The following CSMD1 variants were observed in gnomAD, a reference collection of about 807,000 sequenced individuals.
CSMD1 encodes CUB and Sushi multiple domains 1.
In CSMD1, 213 loss-of-function variants were observed where a neutral mutation model predicts 417.5. The observed-to-expected ratio is 0.51, with a 90% CI of 0.46 to 0.57. CSMD1 has a LOEUF of 0.57. CSMD1 is among the 20% of genes least tolerant of loss of function. The pLI is 0.00. For missense variants in CSMD1, 6,923 were observed against 4,529.7 expected, an observed-to-expected ratio of 1.53 and a Z score of -15.17; for synonymous variants, 2,862 against 1,736.8, an observed-to-expected ratio of 1.65 and a Z score of -16.11.
chr8:3,734,385 C>A (rs1188296521), intron 6 of CSMD1, among the ~76,000 whole-genome samples: 1 of 152,166 alleles, frequency 6.6e-6, no homozygotes, highest in African/African-American at 2.4e-5. Flanking sequence ...TTGCTTCTGC[C>A]TGGAAGCATT....
chr8:3,651,049 C>T (rs1378071084), intron 7 of CSMD1, among the ~76,000 whole-genome samples: 1 of 152,184 alleles, frequency 6.6e-6, no homozygotes, highest in African/African-American at 2.4e-5. Flanking sequence ...GCTTACCCAC[C>T]AGAATATCCC....
At chr8:4,131,571 A>T (rs1803106340) in intron 3 of CSMD1, among the ~76,000 whole-genome samples, 2 of 152,252 alleles carry the variant, frequency 1.3e-5, no homozygotes, top group South Asian at 4.1e-4. Flanking sequence ...TTTCTCATAT[A>T]TTGATAAACT....
At chr8:4,923,710 G>T (rs569678152) in intron 1 of CSMD1, among the ~76,000 whole-genome samples, 1 of 152,012 alleles carries the variant, frequency 6.6e-6, no homozygotes, top group Non-Finnish European at 1.5e-5. Flanking sequence ...TCAGTGCTTG[G>T]GAGTTAGCAT....
At chr8:4,591,399 G>C (rs770342799) in intron 2 of CSMD1, among the ~76,000 whole-genome samples, 1 of 152,214 alleles carries the variant, frequency 6.6e-6, no homozygotes, top group Non-Finnish European at 1.5e-5. Context: ...ATTCCAGGTG[G>C]AGAAGGGATG....
intron 50 of CSMD1, among the ~76,000 whole-genome samples, chr8:3,034,595 A>G (rs1810546600): frequency 6.6e-6 from 1 of 152,188 alleles, no homozygotes; most frequent in South Asian, 2.1e-4. Context: ...ATTTTAATAT[A>G]TACCTACTAC....
intron 3 of CSMD1, among the ~76,000 whole-genome samples, chr8:4,367,924 T>C (rs1802179003): frequency 6.6e-6 from 1 of 152,136 alleles, no homozygotes; most frequent in Non-Finnish European, 1.5e-5. Flanking sequence ...ATTACTGAAG[T>C]TGTTTATCAG....
chr8:4,848,513 G>C (rs772144320), intron 1 of CSMD1, among the ~76,000 whole-genome samples: 7 of 151,920 alleles, frequency 4.6e-5, no homozygotes, highest in Non-Finnish European at 1.0e-4. Context: ...TAAAAGTCTA[G>C]CACATAAAAT....
chr8:4,655,474 T>G (rs187156380), intron 1 of CSMD1, among the ~76,000 whole-genome samples: 1 of 152,278 alleles, frequency 6.6e-6, no homozygotes, highest in East Asian at 1.9e-4. Context: ...GCTTATTTTT[T>G]GGAAATAAAG....
chr8:4,850,378 T>TTATA (rs1317481915), intron 1 of CSMD1, among the ~76,000 whole-genome samples: 4 of 138,902 alleles, frequency 2.9e-5, no homozygotes, highest in Admixed American at 2.4e-4. Flanking sequence ...GAAATCCAAT[T>TTATA]TATCTTTTTT....
intron 38 of CSMD1, among the ~76,000 whole-genome samples, chr8:3,160,476 A>T (rs1585515729): frequency 6.6e-6 from 1 of 152,290 alleles, no homozygotes; most frequent in East Asian, 1.9e-4. Flanking sequence ...TGTCCTAAAG[A>T]TTCAGCCTGA....
chr8:4,608,825 T>A (rs950359527), intron 2 of CSMD1, among the ~76,000 whole-genome samples: 4 of 152,206 alleles, frequency 2.6e-5, no homozygotes, highest in African/African-American at 9.6e-5. Flanking sequence ...CTAAGGCATA[T>A]GGGCAGAAGA....
rs186470318 is a variant in CSMD1, at chr8:4,802,553, C to G, written c.86-164995G>C. 2.6e-3 allele frequency among the ~76,000 whole-genome samples: 399 copies of G among 152,232 alleles called. 2 individuals carry two copies. Among genetic ancestry groups the G allele is most frequent in the Non-Finnish European group, 3.5e-3 (240 of 68,004 alleles). ...CAAGCAACTTGAAACTTTATAATTT[C>G]AAACTATAGTTTATGAAGAGATCAC... On this transcript the variant is annotated intron_variant, in intron 1 of 69. Transcript: ENST00000635120.
chr8:4,032,085 T>G lies in CSMD1; in HGVS notation c.430A>C (p.Thr144Pro). 1 of 1,611,358 alleles carries G rather than the reference T, an allele frequency of 6.2e-7. No homozygotes were observed. The highest frequency in any genetic ancestry group is 1.7e-4 in the Middle Eastern group (1 of 6,050). ...AGGATTTCTCCAGGATTTCCACAAG[T>G]GTGGCTAGGTAAAACTATTGGAAAA... ...KALYEVLPSH[T>P]CGNPGEILKG... Residue 144 changes from threonine to proline, a missense_variant, in exon 4 of 70, where the codon ACT (threonine) becomes CCT (proline). Transcript: ENST00000635120.
chr8:4,390,824 A>G (rs1803801405), intron 3 of CSMD1, among the ~76,000 whole-genome samples: 1 of 152,092 alleles, frequency 6.6e-6, no homozygotes, highest in Non-Finnish European at 1.5e-5. Flanking sequence ...TACAGACATG[A>G]GCCACCATGC....
intron 25 of CSMD1, among the ~76,000 whole-genome samples, chr8:3,297,736 G>A (rs73660638): frequency 0.041 from 6,181 of 152,166 alleles, 421 homozygotes; most frequent in African/African-American, 0.14. Context: ...TATAGCTTTG[G>A]GGAGGGAGGA....
intron 3 of CSMD1, among the ~76,000 whole-genome samples, chr8:4,167,206 T>C (rs565413437): frequency 6.6e-6 from 1 of 152,332 alleles, no homozygotes; most frequent in South Asian, 2.1e-4. Flanking sequence ...GCCTGTATTT[T>C]AACTTGGAAA....
chr8:3,848,767 G>C (rs1273627382), intron 5 of CSMD1, among the ~76,000 whole-genome samples: 1 of 151,996 alleles, frequency 6.6e-6, no homozygotes, highest in Non-Finnish European at 1.5e-5. Flanking sequence ...AATTATAATT[G>C]TCAAATATTT....
chr8:4,414,081 T>C (rs1796796974), intron 3 of CSMD1, among the ~76,000 whole-genome samples: 1 of 152,202 alleles, frequency 6.6e-6, no homozygotes, highest in Non-Finnish European at 1.5e-5. Context: ...GCATGCTCCA[T>C]GCTTTAATTC....
chr8:4,308,251 T>A (rs141468538), intron 3 of CSMD1, among the ~76,000 whole-genome samples: 10 of 151,950 alleles, frequency 6.6e-5, no homozygotes, highest in African/African-American at 2.2e-4. Flanking sequence ...TAGTTTTTTT[T>A]ATGTGTGTGT....
Sources: gnomAD v4.1 joint callset for allele counts (sites outside exome capture counted in the v4.1 genomes callset) on GRCh38, gnomAD v4.1.1 for gene constraint, MANE v1.5 for transcripts, NCBI Gene and HGNC (gene_info 2026-07-23, HGNC 2026-07-21) for gene names.